Variants in SPPL3 observed in about 807,000 individuals in gnomAD.
The protein encoded by SPPL3 is signal peptide peptidase like 3.
In SPPL3, 5 loss-of-function variants were observed where a neutral mutation model predicts 42.4. The observed-to-expected ratio is 0.12, with a 90% confidence interval of 0.06 to 0.25. The LOEUF (loss-of-function observed/expected upper bound fraction) is 0.25, where lower values mean the gene tolerates loss of function less well. Ranked by LOEUF, SPPL3 falls within the 10% of genes least tolerant of loss-of-function variation. The pLI, the probability that SPPL3 is intolerant of heterozygous loss-of-function variation, is 1.00. For synonymous variants in SPPL3, 195 were observed against 181.8 expected, an observed-to-expected ratio of 1.07 and a Z score of -0.58; for missense variants, 235 against 489.0, an observed-to-expected ratio of 0.48 and a Z score of 4.90.
intron 4 of SPPL3, 117 bp downstream of exon 4, chr12:120,784,357 G>T (rs1031347370): frequency 3.5e-6 from 4 of 1,155,210 alleles, no homozygotes; most frequent in Non-Finnish European, 4.8e-6. Flanking sequence ...GCGAAGCCAA[G>T]ATTTATAAGG....
At chr12:120,797,698 T>C (rs1870151847) in intron 2 of SPPL3, among the ~76,000 whole-genome samples, 1 of 152,204 alleles carries the variant, frequency 6.6e-6, no homozygotes, top group Non-Finnish European at 1.5e-5. Flanking sequence ...TGATGAATTG[T>C]ATCCCTTTCT....
intron 1 of SPPL3, among the ~76,000 whole-genome samples, chr12:120,829,392 T>C (rs938146972): frequency 6.6e-6 from 1 of 151,858 alleles, no homozygotes. Flanking sequence ...GGTCAGGAGT[T>C]TGAGACCAGC....
intron 1 of SPPL3, among the ~76,000 whole-genome samples, chr12:120,877,120 G>A (rs1873129639): frequency 6.6e-6 from 1 of 151,500 alleles, no homozygotes; most frequent in African/African-American, 2.4e-5. Flanking sequence ...GAAATGGAAA[G>A]AGACAAACTA....
intron 1 of SPPL3, among the ~76,000 whole-genome samples, chr12:120,831,774 C>T (rs889114728): frequency 1.3e-5 from 2 of 152,156 alleles, no homozygotes; most frequent in Admixed American, 6.6e-5. Flanking sequence ...TTTACACTGT[C>T]ATTTTAATCT....
intron 1 of SPPL3, among the ~76,000 whole-genome samples, chr12:120,876,406 G>C (rs1873087632): frequency 6.6e-6 from 1 of 151,770 alleles, no homozygotes; most frequent in African/African-American, 2.4e-5. Context: ...GAGGTCAGGA[G>C]CTCGAGACCA....
At chr12:120,780,240 G>A (rs1592958316) in intron 6 of SPPL3, among the ~76,000 whole-genome samples, 1 of 150,500 alleles carries the variant, frequency 6.6e-6, no homozygotes, top group Admixed American at 6.6e-5. Context: ...TGGGAGGACT[G>A]CTTGAGGCCA....
chr12:120,831,333 A>G (rs2137018084), intron 1 of SPPL3, among the ~76,000 whole-genome samples: 1 of 152,080 alleles, frequency 6.6e-6, no homozygotes, highest in East Asian at 1.9e-4. Flanking sequence ...TATATACCCT[A>G]TTGGTTCTAT....
At chr12:120,774,867 CTT>C (rs1869256293) in intron 6 of SPPL3, among the ~76,000 whole-genome samples, 1 of 152,122 alleles carries the variant, frequency 6.6e-6, no homozygotes, top group Non-Finnish European at 1.5e-5. Context: ...ACACACTTAA[CTT>C]TTGGTTAAAT....
chr12:120,878,281 C>T (rs1873174402), intron 1 of SPPL3, among the ~76,000 whole-genome samples: 1 of 152,080 alleles, frequency 6.6e-6, no homozygotes, highest in Non-Finnish European at 1.5e-5. Flanking sequence ...AAGATTTTGT[C>T]CCAGTTAAGT....
At chr12:120,778,661 T>C (rs1320971827) in intron 6 of SPPL3, among the ~76,000 whole-genome samples, 1 of 152,228 alleles carries the variant, frequency 6.6e-6, no homozygotes, top group Non-Finnish European at 1.5e-5. Context: ...AACTTATATT[T>C]GTATGCTTTA....
intron 10 of SPPL3, 108 bp from the exon 11 acceptor site, chr12:120,765,178 T>TA: frequency 1.0e-6 from 1 of 990,116 alleles, no homozygotes; most frequent in Admixed American, 2.7e-5. Flanking sequence ...AGTCTTCCTA[T>TA]ATATTGGCCA....
At chr12:120,896,114 C>G (rs1171991728) in intron 1 of SPPL3, among the ~76,000 whole-genome samples, 1 of 152,110 alleles carries the variant, frequency 6.6e-6, no homozygotes, top group African/African-American at 2.4e-5. Context: ...AGTTTTCCTA[C>G]CAGGTTAGGG....
Position 120,808,552 on chromosome 12 carries a change from G to C in SPPL3, c.101+2257C>G, listed in dbSNP as rs118168834. On this transcript the variant is annotated intron_variant, in intron 2 of 10. Coordinates refer to ENST00000353487, the MANE Select transcript of SPPL3 (RefSeq NM_139015.5). ...TAAGAGCCATTTCATACTCTCTGTC[G>C]AAGTATTTCCACTTCTGGATATTTA... Among the ~76,000 whole-genome samples the C allele has an allele frequency of 3.1e-3, 465 of 152,152 alleles. 3 individuals are homozygous for C. Among genetic ancestry groups the C allele is most frequent in the South Asian group, 0.012 (58 of 4,826 alleles).
At chr12:120,778,053 A>T (rs1163015385) in intron 6 of SPPL3, among the ~76,000 whole-genome samples, 2 of 151,474 alleles carry the variant, frequency 1.3e-5, no homozygotes, top group Non-Finnish European at 2.9e-5. Flanking sequence ...ACAGATTTAC[A>T]TATTTGTAAA....
chr12:120,792,955 G>C (rs936561841), intron 2 of SPPL3, among the ~76,000 whole-genome samples: 1 of 152,072 alleles, frequency 6.6e-6, no homozygotes, highest in South Asian at 2.1e-4. Flanking sequence ...AAAAACTTAC[G>C]TGCCTCAAAG....
At chr12:120,773,463 GGA>G (rs920046287) in intron 6 of SPPL3, among the ~76,000 whole-genome samples, 43 of 152,182 alleles carry the variant, frequency 2.8e-4, no homozygotes, top group African/African-American at 1.0e-3. Context: ...TGGACAGACG[GGA>G]GACAGGAGTC....
At position 120,767,312 on chromosome 12, in the gene SPPL3, G is replaced by A. The variant is rs146173150; in HGVS notation, c.973+82C>T. On this transcript the variant is annotated intron_variant, in intron 9 of 10. Coordinates refer to ENST00000353487, the MANE Select transcript of SPPL3 (RefSeq NM_139015.5). Reference sequence around the variant, plus strand: ...CCTGCTCTCCTTCCATCCAGTAACTGTAGCTAGAAGACCTGATTTAATTCC... The same window carrying A: ...CCTGCTCTCCTTCCATCCAGTAACTATAGCTAGAAGACCTGATTTAATTCC... 7,027 of 1,421,422 alleles carry A rather than the reference G, an allele frequency of 4.9e-3. 25 individuals carry two copies. Among genetic ancestry groups the A allele is most frequent in the Middle Eastern group, 6.5e-3 (26 of 3,990 alleles). 88.1% of individuals were successfully genotyped at this position (1,421,422 alleles called of 1,614,324 possible). A position where few individuals can be genotyped will look rare whatever the true frequency, so the allele number is the denominator to read the frequency against.
intron 6 of SPPL3, chr12:120,769,582 G>A (rs147884619): frequency 0.045 from 6,903 of 154,024 alleles, 233 homozygotes; most frequent in Non-Finnish European, 0.074. Flanking sequence ...ATGGAGTCTC[G>A]CTGTATCACC....
chr12:120,799,572 T>C (rs1008322065), intron 2 of SPPL3, among the ~76,000 whole-genome samples: 1 of 151,982 alleles, frequency 6.6e-6, no homozygotes, highest in Non-Finnish European at 1.5e-5. Flanking sequence ...TACTATCAGA[T>C]GGTGGGGGAG....
Sources: gnomAD v4.1 joint callset for allele counts (sites outside exome capture counted in the v4.1 genomes callset) on GRCh38, gnomAD v4.1.1 for gene constraint, MANE v1.5 for transcripts, NCBI Gene and HGNC (gene_info 2026-07-23, HGNC 2026-07-21) for gene names.